LARGE1: variants seen among roughly 807,000 people sequenced by gnomAD.
LARGE1 encodes the protein LARGE xylosyl- and glucuronyltransferase 1, also known as xylosyl- and glucuronyltransferase LARGE1.
A neutral mutation model predicts 87.6 loss-of-function variants in LARGE1; 43 were observed. The observed-to-expected ratio is 0.49, with a 90% CI of 0.38 to 0.63. The LOEUF is 0.63. Among genes scored for constraint, LARGE1 ranks in the 30% least tolerant of loss-of-function variants. The pLI is 0.00. For missense variants in LARGE1, 802 were observed against 1,000.2 expected (o/e 0.80, Z 2.67); for synonymous variants, 434 against 394.6 (o/e 1.10, Z -1.18).
chr22:33,295,019 T>C (rs187660849), intron 12 of LARGE1, among the ~76,000 whole-genome samples: 3 of 152,308 alleles, frequency 2.0e-5, no homozygotes, highest in Non-Finnish European at 4.4e-5. Context: ...GACTAGGTTG[T>C]CCTAAAAAAG....
intron 5 of LARGE1, among the ~76,000 whole-genome samples, chr22:33,578,265 C>T (rs756516807): frequency 3.3e-5 from 5 of 152,088 alleles, no homozygotes; most frequent in South Asian, 2.1e-4. Flanking sequence ...GTATAGAAGA[C>T]GGTACAAGGT....
intron 2 of LARGE1, among the ~76,000 whole-genome samples, chr22:33,717,489 C>G (rs909510835): frequency 2.6e-5 from 4 of 152,202 alleles, no homozygotes; most frequent in African/African-American, 4.8e-5. Context: ...TCCTCATCTA[C>G]TCAGTATTTC....
chr22:33,518,461 A>G (rs2071412290), intron 6 of LARGE1, among the ~76,000 whole-genome samples: 1 of 152,228 alleles, frequency 6.6e-6, no homozygotes, highest in African/African-American at 2.4e-5. Context: ...GGCACATGCC[A>G]CCATGCCTGG....
chr22:33,398,148 A>C lies in LARGE1; in HGVS notation c.893-13844T>G, dbSNP rs5994728. Among the ~76,000 whole-genome samples the C allele has an allele frequency of 8.8e-3, 1,344 of 152,064 alleles. 20 individuals carry two copies. The highest frequency in any genetic ancestry group is 0.031 in the African/African-American group (1,272 of 41,470). ...ACAGAGACCCCCTTCTCAAAGCTGGATGGGCATTCATGGGTGGGTGATGCC... is the reference window on the plus strand; with the variant it reads ...ACAGAGACCCCCTTCTCAAAGCTGGCTGGGCATTCATGGGTGGGTGATGCC... On this transcript the variant is annotated intron_variant, in intron 7 of 14. Transcript: ENST00000397394.
chr22:33,555,186 AG>A (rs769191794), intron 6 of LARGE1, among the ~76,000 whole-genome samples: 1 of 152,180 alleles, frequency 6.6e-6, no homozygotes, highest in Non-Finnish European at 1.5e-5. Context: ...AGCATACAGG[AG>A]GATGTCCACA....
chr22:33,425,444 T>C (rs2066843757), intron 7 of LARGE1, among the ~76,000 whole-genome samples: 1 of 152,160 alleles, frequency 6.6e-6, no homozygotes, highest in Admixed American at 6.5e-5. Flanking sequence ...GTGAGAAATG[T>C]TTGTAGTTAA....
chr22:33,693,094 C>T (rs2082141545), intron 2 of LARGE1, among the ~76,000 whole-genome samples: 1 of 152,214 alleles, frequency 6.6e-6, no homozygotes, highest in Admixed American at 6.5e-5. Flanking sequence ...ACCTCCTCTG[C>T]AGCAACCTCG....
At chr22:33,621,690 C>T (rs8141377) in intron 4 of LARGE1, among the ~76,000 whole-genome samples, 1,582 of 152,166 alleles carry the variant, frequency 0.01, 30 homozygotes, top group African/African-American at 0.036. Flanking sequence ...CTTTCTGAGC[C>T]GAAAGTCTTT....
chr22:33,765,208 T>G (rs970948038), intron 1 of LARGE1, among the ~76,000 whole-genome samples: 1 of 152,152 alleles, frequency 6.6e-6, no homozygotes, highest in Non-Finnish European at 1.5e-5. Flanking sequence ...GATTATACAC[T>G]ACTAGTAAGA....
At chr22:33,657,488 G>C (rs973934787) in intron 2 of LARGE1, among the ~76,000 whole-genome samples, 1 of 152,144 alleles carries the variant, frequency 6.6e-6, no homozygotes, top group Non-Finnish European at 1.5e-5. Flanking sequence ...TGCTATCTCT[G>C]CTTCAAGCAC....
At chr22:33,332,921 A>G (rs1289727991) in intron 10 of LARGE1, among the ~76,000 whole-genome samples, 1 of 152,132 alleles carries the variant, frequency 6.6e-6, no homozygotes, top group Non-Finnish European at 1.5e-5. Context: ...AGTACCCACA[A>G]AACAATCCAT....
At chr22:33,780,564 A>C (rs2085386873) in intron 1 of LARGE1, among the ~76,000 whole-genome samples, 1 of 152,220 alleles carries the variant, frequency 6.6e-6, no homozygotes, top group Non-Finnish European at 1.5e-5. Context: ...AGGAAATCTC[A>C]GTCAGCAACT....
At chr22:33,223,894 A>C (rs931188615) in intron 11 of LARGE1, among the ~76,000 whole-genome samples, 2 of 152,116 alleles carry the variant, frequency 1.3e-5, no homozygotes, top group African/African-American at 4.8e-5. Flanking sequence ...ATCCCAAACA[A>C]TTCACAAATG....
intron 11 of LARGE1, among the ~76,000 whole-genome samples, chr22:33,183,806 A>G (rs1180074083): frequency 3.3e-5 from 5 of 152,128 alleles, no homozygotes; most frequent in Non-Finnish European, 5.9e-5. Flanking sequence ...TAAAAAGTCA[A>G]ACTGACAGAA....
intron 10 of LARGE1, among the ~76,000 whole-genome samples, chr22:33,328,703 G>A (rs1432837757): frequency 1.3e-5 from 2 of 152,050 alleles, no homozygotes; most frequent in Admixed American, 1.3e-4. Context: ...TAACAACTAG[G>A]AGAATTGTGG....
intron 11 of LARGE1, among the ~76,000 whole-genome samples, chr22:33,190,466 T>C (rs536941922): frequency 1.3e-5 from 2 of 152,324 alleles, no homozygotes; most frequent in South Asian, 4.1e-4. Flanking sequence ...CACAGCATGT[T>C]TATTTCTCAT....
the LARGE1 span, among the ~76,000 whole-genome samples, chr22:33,104,448 C>T: frequency 1.3e-5 from 2 of 152,156 alleles, no homozygotes; most frequent in African/African-American, 4.8e-5. Context: ...ATGGAGGGGA[C>T]CTTGTGGCCC....
intron 12 of LARGE1, among the ~76,000 whole-genome samples, chr22:33,303,566 G>T (rs1225060621): frequency 6.6e-6 from 1 of 152,142 alleles, no homozygotes; most frequent in Admixed American, 6.5e-5. Flanking sequence ...TCTTTCTTGG[G>T]TTATATGAAG....
intron 2 of LARGE1, among the ~76,000 whole-genome samples, chr22:33,672,626 A>T (rs1261153584): frequency 6.6e-6 from 1 of 152,118 alleles, no homozygotes; most frequent in South Asian, 2.1e-4. Context: ...ACATTCTCTA[A>T]ACTGTTGGAA....
Sources: gnomAD v4.1 joint callset for allele counts (sites outside exome capture counted in the v4.1 genomes callset) on GRCh38, gnomAD v4.1.1 for gene constraint, MANE v1.5 for transcripts, NCBI Gene and HGNC (gene_info 2026-07-23, HGNC 2026-07-21) for gene names.